The following MTHFD1L variants were observed in gnomAD, a reference collection of about 807,000 sequenced individuals.
MTHFD1L encodes the protein monofunctional C1-tetrahydrofolate synthase, mitochondrial.
Under a neutral mutation model 119.5 loss-of-function variants are expected in MTHFD1L, and 81 were observed. That is an observed-to-expected ratio of 0.68 (90% CI 0.57 to 0.82). MTHFD1L has a LOEUF of 0.82. Among genes scored for constraint, MTHFD1L ranks in the 40% least tolerant of loss-of-function variants. MTHFD1L has a pLI of 0.00. For synonymous variants in MTHFD1L, 430 were observed against 475.2 expected (o/e 0.90, Z 1.24); for missense variants, 1,125 against 1,253.4 (o/e 0.90, Z 1.55).
chr6:150,984,896 A>C (rs997470594), intron 20 of MTHFD1L: 2 of 152,124 alleles, frequency 1.3e-5, no homozygotes, highest in African/African-American at 4.8e-5. Context: ...ATGGAGATGG[A>C]TTTTCTTCTG....
intron 27 of MTHFD1L, among the ~76,000 whole-genome samples, chr6:151,097,610 G>A (rs1794990103): frequency 6.6e-6 from 1 of 152,174 alleles, no homozygotes. Context: ...GTGGCTGGGA[G>A]GAGGTTATGA....
At chr6:151,050,899 T>C (rs1788925804) in intron 26 of MTHFD1L, among the ~76,000 whole-genome samples, 1 of 152,118 alleles carries the variant, frequency 6.6e-6, no homozygotes, top group Non-Finnish European at 1.5e-5. Flanking sequence ...TAGGGCATGG[T>C]CTGTGGAGTT....
intron 5 of MTHFD1L, among the ~76,000 whole-genome samples, chr6:150,884,193 G>A (rs1458469057): frequency 6.7e-6 from 1 of 149,788 alleles, no homozygotes; most frequent in African/African-American, 2.5e-5. Flanking sequence ...CCAGGCTGGA[G>A]TGCAGTGACA....
chr6:150,941,340 C>T (rs945359496), intron 13 of MTHFD1L, among the ~76,000 whole-genome samples: 2 of 152,100 alleles, frequency 1.3e-5, no homozygotes, highest in Non-Finnish European at 2.9e-5. Context: ...CTCTGTCGAG[C>T]GATTGCAATT....
At chr6:150,945,693 G>A in intron 15 of MTHFD1L, 152 bp downstream of exon 15, 1 of 680,448 alleles carries the variant, frequency 1.5e-6, no homozygotes, top group South Asian at 2.0e-5. Flanking sequence ...CACTGGAGCA[G>A]AGAGAGCACA....
rs1780775862 is a variant in MTHFD1L at position 150,878,131 on chromosome 6, C to A, written c.417+305C>A. On this transcript the variant is annotated intron_variant, in intron 4 of 27. Coordinates refer to ENST00000367321, the MANE Select transcript of MTHFD1L (RefSeq NM_015440.5). ...CGAGGCGAGGAAACTGGACCTTGGA[C>A]CACAGATCCCTGTGCCAGGGCCCGG... Among the ~76,000 whole-genome samples the A allele has an allele frequency of 6.6e-5, 10 of 152,298 alleles. 1 individual carries two copies. The South Asian group carries it at 2.1e-3, about 32-fold the overall frequency.
At chr6:150,963,602 T>G (rs1796771060) in intron 18 of MTHFD1L, among the ~76,000 whole-genome samples, 2 of 152,196 alleles carry the variant, frequency 1.3e-5, no homozygotes, top group Admixed American at 6.5e-5. Flanking sequence ...CATTTACTAC[T>G]GTTGTTGATA....
chr6:151,084,041 C>T (rs997462439), intron 26 of MTHFD1L, among the ~76,000 whole-genome samples: 16 of 152,114 alleles, frequency 1.1e-4, no homozygotes, highest in African/African-American at 3.4e-4. Context: ...AATGAGGTCC[C>T]GAAATACAAG....
At chr6:150,922,693 G>T (rs1350061031) in intron 10 of MTHFD1L, among the ~76,000 whole-genome samples, 1 of 138,718 alleles carries the variant, frequency 7.2e-6, no homozygotes, top group African/African-American at 2.7e-5. Flanking sequence ...GCCCAGGCTA[G>T]AGTGCAATGG....
intron 11 of MTHFD1L, chr6:150,935,030 C>T: frequency 6.2e-7 from 1 of 1,612,308 alleles, no homozygotes; most frequent in Non-Finnish European, 8.5e-7. Flanking sequence ...TCAGTCCTTC[C>T]ACATTGTTAT....
rs1397378286 is a variant in MTHFD1L, at chr6:150,896,981, G to A, written c.781-8669G>A. Among the ~76,000 whole-genome samples, 3 of 152,002 alleles carry A rather than the reference G, an allele frequency of 2.0e-5. No homozygotes were observed. In the East Asian group the frequency reaches 5.8e-4, roughly 29 times the overall value. Reference sequence around the variant, plus strand: ...ACAAAAACAAAATTAGCAGGGTGTGGTGGCAGGCACCTGAAGTCTCTGCTA... The same window carrying A: ...ACAAAAACAAAATTAGCAGGGTGTGATGGCAGGCACCTGAAGTCTCTGCTA... On this transcript the variant is annotated intron_variant, in intron 7 of 27. Transcript: ENST00000367321.
intron 26 of MTHFD1L, among the ~76,000 whole-genome samples, chr6:151,070,268 A>T (rs1025319345): frequency 9.2e-5 from 14 of 152,198 alleles, no homozygotes; most frequent in African/African-American, 2.7e-4. Flanking sequence ...TTTCAACCTG[A>T]GAGTTACTCT....
At chr6:150,873,041 G>A (rs1779800653) in intron 1 of MTHFD1L, among the ~76,000 whole-genome samples, 1 of 152,018 alleles carries the variant, frequency 6.6e-6, no homozygotes, top group Non-Finnish European at 1.5e-5. Context: ...TTTCAGCCCG[G>A]CGAGGTGGCT....
chr6:150,915,852 C>T (rs560968379), intron 8 of MTHFD1L, among the ~76,000 whole-genome samples: 1 of 152,264 alleles, frequency 6.6e-6, no homozygotes, highest in East Asian at 1.9e-4. Context: ...GATCCACCCA[C>T]CTCGGCCTCC....
At chr6:150,934,886 AT>A in intron 11 of MTHFD1L, 1 of 1,489,398 alleles carries the variant, frequency 6.7e-7, no homozygotes, top group South Asian at 1.4e-5. Context: ...GAGCAGTCTT[AT>A]AGCTGGATCA....
chr6:150,888,896 C>T (rs768788635), intron 7 of MTHFD1L, among the ~76,000 whole-genome samples: 7 of 152,150 alleles, frequency 4.6e-5, no homozygotes, highest in Non-Finnish European at 8.8e-5. Flanking sequence ...TATTAAAGGC[C>T]GGGCGTGGTG....
chr6:150,936,771 AT>A (rs1398819011), intron 11 of MTHFD1L, 32 bp from the exon 12 acceptor site: 1 of 1,601,168 alleles, frequency 6.2e-7, no homozygotes, highest in Admixed American at 1.7e-5. Context: ...TCTGGGAAAT[AT>A]TATAAAATTC....
intron 7 of MTHFD1L, among the ~76,000 whole-genome samples, chr6:150,891,118 TG>T (rs1216624927): frequency 2.0e-5 from 3 of 152,194 alleles, no homozygotes; most frequent in African/African-American, 7.2e-5. Flanking sequence ...CCTGAGTAGC[TG>T]GGACTACAGG....
chr6:150,871,557 A>G (rs1779508195), intron 1 of MTHFD1L, among the ~76,000 whole-genome samples: 1 of 129,262 alleles, frequency 7.7e-6, no homozygotes, highest in African/African-American at 3.0e-5. Context: ...GCTGGACTGC[A>G]GTGCTGCGAT....
Sources: allele counts gnomAD v4.1 joint callset (sites outside exome capture counted in the v4.1 genomes callset), GRCh38; gene constraint gnomAD v4.1.1; transcripts MANE v1.5; gene names NCBI Gene and HGNC (gene_info 2026-07-23, HGNC 2026-07-21).